Variants in MPPED1 observed in about 807,000 individuals in gnomAD.
MPPED1 encodes the protein metallophosphoesterase domain containing 1.
A neutral mutation model predicts 36.2 loss-of-function variants in MPPED1; 16 were observed. That is an observed-to-expected ratio of 0.44 (90% CI 0.30 to 0.67). The LOEUF (loss-of-function observed/expected upper bound fraction) is 0.67. MPPED1 is among the 30% of genes least tolerant of loss of function. MPPED1 has a pLI of 0.10. For missense variants in MPPED1, 307 were observed against 453.4 expected, an observed-to-expected ratio of 0.68 and a Z score of 2.93; for synonymous variants, 199 against 191.3, an observed-to-expected ratio of 1.04 and a Z score of -0.33.
In MPPED1 at chr22:43,425,243, G is replaced by A. The variant is rs368011011; in HGVS notation, c.224+34G>A. ...GACCGGTGGGGTGGGGGTGGGGGCGGTGACGGCCCCCTGGGGTGGGTGCAT... is the reference window on the plus strand; with the variant it reads ...GACCGGTGGGGTGGGGGTGGGGGCGATGACGGCCCCCTGGGGTGGGTGCAT... On this transcript the variant is annotated intron_variant, in intron 2 of 6. Coordinates refer to ENST00000443721, the MANE Select transcript of MPPED1 (RefSeq NM_001044370.2). 24 of 1,538,984 alleles carry A rather than the reference G, an allele frequency of 1.6e-5. No individual in the cohort carries two copies. In the African/African-American group the frequency reaches 2.6e-4, roughly 17 times the overall value.
At chr22:43,438,352 C>A (rs945093636) in intron 3 of MPPED1, among the ~76,000 whole-genome samples, 1 of 152,048 alleles carries the variant, frequency 6.6e-6, no homozygotes, top group Non-Finnish European at 1.5e-5. Context: ...GCAGAGGACG[C>A]GGAGGCTGCA....
chr22:43,459,253 G>C (rs991520702), intron 3 of MPPED1, among the ~76,000 whole-genome samples: 3 of 152,028 alleles, frequency 2.0e-5, no homozygotes, highest in Non-Finnish European at 4.4e-5. Flanking sequence ...GCTAATTTTT[G>C]TATTTTCAGT....
intron 2 of MPPED1, among the ~76,000 whole-genome samples, chr22:43,434,778 C>T (rs1929892500): frequency 6.6e-6 from 1 of 152,254 alleles, no homozygotes; most frequent in Admixed American, 6.5e-5. Flanking sequence ...AACAGCCCCC[C>T]AACCCGACGT....
rs1016606762 is a variant in MPPED1, at chr22:43,505,872, A to G, written c.*256A>G. ...CTGCGTGTACCTCGTTAAAGGACCT[A>G]CTAAGCTCATGGCCCTGTCATGTTT... On this transcript the variant is annotated 3_prime_UTR_variant, in exon 7 of 7. Coordinates refer to ENST00000443721, the MANE Select transcript of MPPED1 (RefSeq NM_001044370.2). 2 of 455,652 alleles carry G rather than the reference A, an allele frequency of 4.4e-6. No homozygotes were observed. The highest frequency in any genetic ancestry group is 7.8e-6 in the Non-Finnish European group (2 of 254,816). The allele number at this position is 455,652 out of a possible 1,614,324, so 28.2% of individuals were successfully genotyped here.
Position 43,502,840 on chromosome 22 carries a change from A to C in MPPED1, c.862+83A>C, listed in dbSNP as rs1386433886. 3.4e-6 allele frequency: 4 copies of C among 1,186,768 alleles called. No homozygotes were observed. The highest frequency in any genetic ancestry group is 5.0e-6 in the Non-Finnish European group (4 of 797,088). The allele number at this position is 1,186,768 out of a possible 1,614,324, so 73.5% of individuals were successfully genotyped here. On this transcript the variant is annotated intron_variant, in intron 6 of 6. Coordinates refer to ENST00000443721, the MANE Select transcript of MPPED1 (RefSeq NM_001044370.2). This position sits in a 1 kb window ranked among gnomAD's most constrained non-coding sequence, Gnocchi z 5.5. The stretch of plus-strand genomic sequence containing the variant: ...AGCAGGACCTCCCCTTCGTTCAGCC[A>C]GAAGGGAAATAAATAGCCCATTCCT...
rs1173040517 is a variant in MPPED1 at position 43,506,570 on chromosome 22, G to A, written c.*954G>A. 6 of 152,398 alleles carry A rather than the reference G, an allele frequency of 3.9e-5. No homozygotes were observed. The highest frequency in any genetic ancestry group is 9.6e-5 in the African/African-American group (4 of 41,582). The allele number at this position is 152,398 out of a possible 1,614,324, so 9.4% of individuals were successfully genotyped here. A position where few individuals can be genotyped will look rare whatever the true frequency, so the allele number is the denominator to read the frequency against. On this transcript the variant is annotated 3_prime_UTR_variant, in exon 7 of 7. Transcript: ENST00000443721. The stretch of plus-strand genomic sequence containing the variant: ...GCCCCGTAGTGAGGTTCTGTTCCTT[G>A]GTGCGGCTTCCCTTGCACCGTTAGG...
intron 4 of MPPED1, among the ~76,000 whole-genome samples, chr22:43,484,667 T>C (rs1931854810): frequency 6.6e-6 from 1 of 152,170 alleles, no homozygotes; most frequent in Non-Finnish European, 1.5e-5. Flanking sequence ...GCATGGTGTT[T>C]CCCTTTCATC....
intron 1 of MPPED1, 22 bp from the exon 2 acceptor site, chr22:43,424,886 C>T (rs1390545903): frequency 6.0e-6 from 9 of 1,499,304 alleles, no homozygotes; most frequent in South Asian, 3.7e-5. Context: ...AACTGTCGCA[C>T]GGTTCTGCTC....
At chr22:43,494,722 G>A (rs1395565511) in intron 4 of MPPED1, among the ~76,000 whole-genome samples, 1 of 151,850 alleles carries the variant, frequency 6.6e-6, no homozygotes, top group South Asian at 2.1e-4. Context: ...GGTGGTGGTG[G>A]TGATGGTGGC....
intron 2 of MPPED1, 155 bp downstream of exon 2, chr22:43,425,364 G>C (rs1929431792): frequency 3.0e-6 from 4 of 1,343,696 alleles, no homozygotes; most frequent in Admixed American, 2.9e-5. Flanking sequence ...TCGGGGCTCT[G>C]AGTTGGGAGG....
At chr22:43,460,074 GCAT>G (rs1930893731) in intron 3 of MPPED1, among the ~76,000 whole-genome samples, 1 of 152,076 alleles carries the variant, frequency 6.6e-6, no homozygotes, top group Non-Finnish European at 1.5e-5. Context: ...GGGTGTGGTG[GCAT>G]GTGCCTGTAG....
intron 3 of MPPED1, among the ~76,000 whole-genome samples, chr22:43,466,800 T>C (rs1398194465): frequency 2.0e-5 from 3 of 152,172 alleles, no homozygotes; most frequent in Non-Finnish European, 4.4e-5. Context: ...CTCTTTCCCT[T>C]GCCTTGCCCA....
intron 4 of MPPED1, among the ~76,000 whole-genome samples, chr22:43,480,277 G>A (rs1363361999): frequency 6.6e-6 from 1 of 152,144 alleles, no homozygotes; most frequent in Admixed American, 6.5e-5. Flanking sequence ...TAACTACTGG[G>A]GGCAGGGGCC....
At chr22:43,439,626 A>C (rs1930079919) in intron 3 of MPPED1, among the ~76,000 whole-genome samples, 1 of 152,218 alleles carries the variant, frequency 6.6e-6, no homozygotes, top group Non-Finnish European at 1.5e-5. Flanking sequence ...TTCTTGCCCC[A>C]GGGCTGTGGG....
At chr22:43,471,466 G>A (rs781402270) in intron 3 of MPPED1, among the ~76,000 whole-genome samples, 16 of 152,226 alleles carry the variant, frequency 1.1e-4, no homozygotes, top group Non-Finnish European at 1.2e-4. Flanking sequence ...CTCCACAGCC[G>A]TGGGGCCTGG....
intron 1 of MPPED1, among the ~76,000 whole-genome samples, chr22:43,415,965 C>CGAA (rs1929064747): frequency 6.6e-6 from 1 of 152,230 alleles, no homozygotes; most frequent in Non-Finnish European, 1.5e-5. Flanking sequence ...ACACTCTCAT[C>CGAA]GTTTCCCCTT....
At chr22:43,427,268 G>A (rs1308267081) in intron 2 of MPPED1, among the ~76,000 whole-genome samples, 14 of 152,236 alleles carry the variant, frequency 9.2e-5, no homozygotes, top group Admixed American at 9.2e-4. Flanking sequence ...TGGGGGCTGA[G>A]GAGGTGCTTC....
chr22:43,506,456 T>C lies in MPPED1; in HGVS notation c.*840T>C, dbSNP rs1932817228. On this transcript the variant is annotated 3_prime_UTR_variant, in exon 7 of 7. Transcript: ENST00000443721. ...TAGGCTGCAGCAGGCCTGCCATGGGTGTGAACCCATGTCCAGGCACGCACC... is the reference window on the plus strand; with the variant it reads ...TAGGCTGCAGCAGGCCTGCCATGGGCGTGAACCCATGTCCAGGCACGCACC... The C allele has an allele frequency of 6.6e-6, 1 of 152,316 alleles. No individual in the cohort carries two copies. Among genetic ancestry groups the C allele is most frequent in the African/African-American group, 2.4e-5 (1 of 41,462 alleles). The allele number at this position is 152,316 out of a possible 1,614,324, so 9.4% of individuals were successfully genotyped here. A position where few individuals can be genotyped will look rare whatever the true frequency, so the allele number is the denominator to read the frequency against.
intron 3 of MPPED1, among the ~76,000 whole-genome samples, chr22:43,460,355 A>G (rs558327660): frequency 4.9e-4 from 69 of 140,174 alleles, no homozygotes; most frequent in Admixed American, 8.3e-4. Flanking sequence ...ACAGGGTCTC[A>G]CTCTGTCTCA....
Sources: gnomAD v4.1 joint callset for allele counts (sites outside exome capture counted in the v4.1 genomes callset) on GRCh38, gnomAD v4.1.1 for gene constraint, Gnocchi (gnomAD v3.1) non-coding constraint, MANE v1.5 for transcripts, NCBI Gene and HGNC (gene_info 2026-07-23, HGNC 2026-07-21) for gene names.